Variants in MGAT5 observed in about 807,000 individuals in gnomAD.
MGAT5 encodes alpha-1,6-mannosylglycoprotein 6-beta-N-acetylglucosaminyltransferase, also known as alpha-1,6-mannosylglycoprotein 6-beta-N-acetylglucosaminyltransferase A.
In MGAT5, 30 loss-of-function variants were observed where a neutral mutation model predicts 94.3. The observed-to-expected ratio is 0.32, with a 90% CI of 0.24 to 0.43. The LOEUF is 0.43. Ranked by LOEUF, MGAT5 falls within the 20% of genes least tolerant of loss-of-function variation. MGAT5 has a pLI of 1.00. For missense variants in MGAT5, 691 were observed against 905.5 expected (o/e 0.76, Z 3.04); for synonymous variants, 310 against 322.9 (o/e 0.96, Z 0.43).
intron 1 of MGAT5, among the ~76,000 whole-genome samples, chr2:134,223,332 A>G (rs1254365968): frequency 1.3e-5 from 2 of 152,186 alleles, no homozygotes; most frequent in East Asian, 1.9e-4. Flanking sequence ...GGTAGCTCCT[A>G]TAGTTTTAGC....
chr2:134,368,616 A>G (rs1245555832), intron 10 of MGAT5, among the ~76,000 whole-genome samples: 1 of 152,200 alleles, frequency 6.6e-6, no homozygotes, highest in African/African-American at 2.4e-5. Context: ...CATTCTCCAT[A>G]CAGCAGCAGC....
chr2:134,131,264 C>T (rs1032894850), intron 1 of MGAT5, among the ~76,000 whole-genome samples: 5 of 152,172 alleles, frequency 3.3e-5, no homozygotes, highest in East Asian at 1.9e-4. Context: ...CGCGAGGGTC[C>T]GCGGCTTCAT....
intron 10 of MGAT5, among the ~76,000 whole-genome samples, chr2:134,397,928 C>G (rs908533764): frequency 1.3e-5 from 2 of 152,156 alleles, no homozygotes. Context: ...AAAGTACTCC[C>G]ATGGCTGGTT....
chr2:134,185,198 T>G (rs1456740935), intron 1 of MGAT5, among the ~76,000 whole-genome samples: 1 of 152,146 alleles, frequency 6.6e-6, no homozygotes, highest in Non-Finnish European at 1.5e-5. Context: ...TACTCTGTAG[T>G]CATTTATATT....
chr2:134,387,321 TATA>T (rs1485589010), intron 10 of MGAT5, among the ~76,000 whole-genome samples: 2 of 52,652 alleles, frequency 3.8e-5, no homozygotes, highest in Admixed American at 1.8e-4. Flanking sequence ...TATATATATA[TATA>T]TATATATATT....
At chr2:134,216,985 C>T (rs900058070) in intron 1 of MGAT5, among the ~76,000 whole-genome samples, 11 of 152,180 alleles carry the variant, frequency 7.2e-5, no homozygotes, top group Middle Eastern at 3.4e-3. Context: ...AGTAAGATAA[C>T]GGAATGCTGT....
At position 134,257,000 on chromosome 2, in the gene MGAT5, C is replaced by T. The variant is rs1683004390; in HGVS notation, c.241+2356C>T. 3.3e-5 allele frequency among the ~76,000 whole-genome samples: 5 copies of T among 152,210 alleles called. No individual in the cohort carries two copies. In the South Asian group the frequency reaches 1.0e-3, roughly 32 times the overall value. On this transcript the variant is annotated intron_variant, in intron 1 of 15. Transcript: ENST00000281923. ...ACAGTGTCTCATTTGGTGCTGTTGACTTTTGGTCTAAATAGGTCTTGATTG... is the reference window on the plus strand; with the variant it reads ...ACAGTGTCTCATTTGGTGCTGTTGATTTTTGGTCTAAATAGGTCTTGATTG...
intron 1 of MGAT5, among the ~76,000 whole-genome samples, chr2:134,149,237 A>T (rs1322165420): frequency 1.3e-5 from 2 of 152,124 alleles, no homozygotes; most frequent in African/African-American, 4.8e-5. Flanking sequence ...CTTTTTGCTC[A>T]TCTGTTAGGT....
At chr2:134,379,753 G>A (rs1573964646) in intron 10 of MGAT5, among the ~76,000 whole-genome samples, 2 of 152,212 alleles carry the variant, frequency 1.3e-5, no homozygotes, top group African/African-American at 4.8e-5. Flanking sequence ...AAATGTGAAC[G>A]TTTGGATGGA....
chr2:134,269,629 A>G (rs1351207243), intron 1 of MGAT5, among the ~76,000 whole-genome samples: 1 of 152,196 alleles, frequency 6.6e-6, no homozygotes, highest in Non-Finnish European at 1.5e-5. Flanking sequence ...AAATGCATCC[A>G]TAGGGGTGAA....
intron 9 of MGAT5, among the ~76,000 whole-genome samples, chr2:134,359,774 T>G (rs1263849128): frequency 1.3e-5 from 2 of 152,206 alleles, no homozygotes; most frequent in African/African-American, 4.8e-5. Context: ...CTCCTGGACT[T>G]GTGGCTTTTG....
At chr2:134,173,205 A>G (rs192369479) in intron 1 of MGAT5, among the ~76,000 whole-genome samples, 6 of 152,300 alleles carry the variant, frequency 3.9e-5, no homozygotes, top group Admixed American at 2.6e-4. Context: ...TCCCCCATAT[A>G]TACATCCCAC....
At chr2:134,367,253 C>G (rs1478516913) in intron 10 of MGAT5, among the ~76,000 whole-genome samples, 1 of 152,098 alleles carries the variant, frequency 6.6e-6, no homozygotes. Flanking sequence ...TTATTGGGGC[C>G]AGATAGGAAA....
intron 1 of MGAT5, among the ~76,000 whole-genome samples, chr2:134,179,039 A>G (rs541897324): frequency 1.4e-4 from 21 of 152,362 alleles, no homozygotes; most frequent in African/African-American, 5.0e-4. Flanking sequence ...ATTCATGGAC[A>G]TACAGAGTAG....
At chr2:134,189,592 GTTTTTTTTTGTT>G (rs1265075522) in intron 1 of MGAT5, among the ~76,000 whole-genome samples, 1 of 56,316 alleles carries the variant, frequency 1.8e-5, no homozygotes, top group Admixed American at 2.0e-4. Flanking sequence ...CATGGCTCTA[GTTTTTTTTTGTT>G]TTTTTTTTTT....
chr2:134,238,035 C>T (rs920185875), intron 1 of MGAT5, among the ~76,000 whole-genome samples: 13 of 152,226 alleles, frequency 8.5e-5, no homozygotes, highest in African/African-American at 3.1e-4. Context: ...AGGCGTGAGC[C>T]ACTGCGCCCG....
Position 134,422,719 on chromosome 2 carries a change from G to A in MGAT5, c.1678-84G>A. 2.1e-6 allele frequency: 2 copies of A among 972,906 alleles called. 1 individual carries two copies. The highest frequency in any genetic ancestry group is 2.7e-5 in the South Asian group (2 of 74,622). 60.3% of individuals were successfully genotyped at this position (972,906 alleles called of 1,614,324 possible). ...TTGTTACCTACACGATTATAACTCA[G>A]TACCATAAAAAGCATAGCACTCCAT... On this transcript the variant is annotated intron_variant, in intron 12 of 15. Coordinates refer to ENST00000281923, the MANE Select transcript of MGAT5 (RefSeq NM_002410.5).
At chr2:134,250,117 G>A (rs1682506529), upstream of MGAT5, among the ~76,000 whole-genome samples, 1 of 152,128 alleles carries the variant, frequency 6.6e-6, no homozygotes, top group Admixed American at 6.5e-5. Context: ...TGATTTTGTT[G>A]TGTTGAGGCG....
chr2:134,290,720 C>CT (rs1685296631), intron 2 of MGAT5, among the ~76,000 whole-genome samples: 1 of 152,178 alleles, frequency 6.6e-6, no homozygotes, highest in African/African-American at 2.4e-5. Context: ...GGCTTTATCT[C>CT]TATCTGGTGT....
Sources: gnomAD v4.1 joint callset for allele counts (sites outside exome capture counted in the v4.1 genomes callset) on GRCh38, gnomAD v4.1.1 for gene constraint, MANE v1.5 for transcripts, NCBI Gene and HGNC (gene_info 2026-07-23, HGNC 2026-07-21) for gene names.